Variants in PCCA observed in about 807,000 individuals in gnomAD.
The protein encoded by PCCA is propionyl-CoA carboxylase alpha chain, mitochondrial.
PCCA carries 74 observed loss-of-function variants against 101.3 expected under a neutral mutation model. The observed-to-expected ratio is 0.73, with a 90% CI of 0.61 to 0.89. The LOEUF is 0.89. Ranked by LOEUF, PCCA falls within the 40% of genes least tolerant of loss-of-function variation. The probability of loss-of-function intolerance (pLI) is 0.00; values close to 1 mark genes in which losing one functional copy is unlikely to be tolerated. For missense variants in PCCA, 891 were observed against 907.0 expected (o/e 0.98, Z 0.23); for synonymous variants, 294 against 313.6 (o/e 0.94, Z 0.66).
chr13:100,277,421 G>A (rs1297206001), intron 12 of PCCA, among the ~76,000 whole-genome samples: 2 of 152,062 alleles, frequency 1.3e-5, no homozygotes, highest in Non-Finnish European at 2.9e-5. Flanking sequence ...GGTTTTGGCT[G>A]ATCCCTTCCT....
chr13:100,434,392 C>T (rs767282), intron 20 of PCCA, among the ~76,000 whole-genome samples: 1 of 151,784 alleles, frequency 6.6e-6, no homozygotes, highest in Non-Finnish European at 1.5e-5. Flanking sequence ...TTTTCTACTT[C>T]AGAGCTGCTA....
rs763390049 is a variant in PCCA, at chr13:100,257,585, C to T, written c.638-10C>T. 67 of 1,607,758 alleles carry T rather than the reference C, an allele frequency of 4.2e-5. 1 individual carries two copies. In the South Asian group the frequency reaches 7.0e-4, roughly 17 times the overall value. ...GTCTGAACTTCTGTCTAATTCTTCC[C>T]TGCTGTTAGGCTACCCTGTCATGAT... On this transcript the variant is annotated splice_polypyrimidine_tract_variant and intron_variant, in intron 8 of 23. Transcript: ENST00000376285.
Position 100,235,737 on chromosome 13 carries a change from C to T in PCCA, c.601-105C>T, listed in dbSNP as rs559384018. 4 of 781,168 alleles carry T rather than the reference C, an allele frequency of 5.1e-6. No homozygotes were observed. The South Asian group carries it at 5.6e-5, about 11-fold the overall frequency. 48.4% of individuals were successfully genotyped at this position (781,168 alleles called of 1,614,324 possible). A position where few individuals can be genotyped will look rare whatever the true frequency, so the allele number is the denominator to read the frequency against. On this transcript the variant is annotated intron_variant, in intron 7 of 23. Coordinates refer to ENST00000376285, the MANE Select transcript of PCCA (RefSeq NM_000282.4). ...AGGGTTAGAAGGTAGTAAAATTGAACATTAAATGAATCGGAGGAGACAGTA... is the reference window on the plus strand; with the variant it reads ...AGGGTTAGAAGGTAGTAAAATTGAATATTAAATGAATCGGAGGAGACAGTA...
At chr13:100,141,200 C>A (rs1431987259) in intron 4 of PCCA, among the ~76,000 whole-genome samples, 1 of 152,092 alleles carries the variant, frequency 6.6e-6, no homozygotes, top group Non-Finnish European at 1.5e-5. Flanking sequence ...CCATCCTTTC[C>A]CATCAGTCCC....
At chr13:100,315,346 TCCA>T (rs1031554186) in intron 16 of PCCA, among the ~76,000 whole-genome samples, 1 of 152,068 alleles carries the variant, frequency 6.6e-6, no homozygotes, top group Non-Finnish European at 1.5e-5. Flanking sequence ...ACCCCCACTC[TCCA>T]CTAATATTTA....
Position 100,212,726 on chromosome 13 carries a change from A to T in PCCA, c.600+3263A>T, listed in dbSNP as rs74113809. Among the ~76,000 whole-genome samples, 1,179 of 152,230 alleles carry T rather than the reference A, an allele frequency of 7.7e-3. 16 individuals are homozygous for T. The highest frequency in any genetic ancestry group is 0.027 in the African/African-American group (1,125 of 41,514). ...TTTATAATGTCTTTGTGTTACAAAC[A>T]GTCTAATATACTTTTAGTTATTTAA... On this transcript the variant is annotated intron_variant, in intron 7 of 23. Coordinates refer to ENST00000376285, the MANE Select transcript of PCCA (RefSeq NM_000282.4).
chr13:100,399,540 A>G (rs145393539), intron 19 of PCCA, among the ~76,000 whole-genome samples: 250 of 152,260 alleles, frequency 1.6e-3, no homozygotes, highest in African/African-American at 5.8e-3. Context: ...ACCATCACTC[A>G]TTTCTTTCTG....
intron 19 of PCCA, among the ~76,000 whole-genome samples, chr13:100,422,032 CTCT>C (rs1378438337): frequency 2.3e-5 from 3 of 130,276 alleles, no homozygotes; most frequent in Non-Finnish European, 4.8e-5. Context: ...TCTTTTTATT[CTCT>C]TCTTTTCTTT....
intron 10 of PCCA, among the ~76,000 whole-genome samples, chr13:100,263,222 T>C (rs1594995760): frequency 6.6e-6 from 1 of 152,190 alleles, no homozygotes; most frequent in South Asian, 2.1e-4. Flanking sequence ...GTTTAAGATA[T>C]TCATCCTTAA....
At chr13:100,427,725 G>A (rs1446866822) in intron 20 of PCCA, among the ~76,000 whole-genome samples, 1 of 147,344 alleles carries the variant, frequency 6.8e-6, no homozygotes, top group South Asian at 2.2e-4. Flanking sequence ...AAAAACAGTC[G>A]TTTACCTAAA....
At chr13:100,414,326 C>T (rs541532923) in intron 19 of PCCA, among the ~76,000 whole-genome samples, 13 of 152,212 alleles carry the variant, frequency 8.5e-5, no homozygotes, top group African/African-American at 2.9e-4. Context: ...ATAAAACAAC[C>T]ATCTCATTTC....
At chr13:100,268,059 T>C (rs757683441) in intron 10 of PCCA, among the ~76,000 whole-genome samples, 2 of 152,208 alleles carry the variant, frequency 1.3e-5, no homozygotes, top group Non-Finnish European at 2.9e-5. Context: ...TTCGAAATGC[T>C]CCAGTGACTG....
chr13:100,223,539 A>G (rs2059945436), intron 7 of PCCA, among the ~76,000 whole-genome samples: 1 of 152,196 alleles, frequency 6.6e-6, no homozygotes, highest in Non-Finnish European at 1.5e-5. Context: ...GTTATAGCTC[A>G]TAAAGGCAGA....
At chr13:100,179,025 C>T (rs959206814) in intron 6 of PCCA, among the ~76,000 whole-genome samples, 94 of 148,364 alleles carry the variant, frequency 6.3e-4, no homozygotes, top group African/African-American at 2.3e-3. Context: ...TGCAGTGAGC[C>T]GAGATCGTGC....
rs2059070568 is a variant in PCCA, at chr13:100,209,438, T to C, written c.575T>C (p.Ile192Thr). Residue 192 changes from isoleucine to threonine, a missense_variant, in exon 7 of 24, where the codon ATC (isoleucine) becomes ACC (threonine). Transcript: ENST00000376285. Reference protein sequence around the residue: ...LLAKKAEVNTIPGFDGVVKDA... With the variant: ...LLAKKAEVNTTPGFDGVVKDA... ...GCTAAGAAAGCAGAGGTTAATACAA[T>C]CCCTGGCTTTGATGGAGTAGTCAAG... 6.2e-7 allele frequency: 1 copy of C among 1,613,198 alleles called. No individual in the cohort carries two copies. Among genetic ancestry groups the C allele is most frequent in the Non-Finnish European group, 8.5e-7 (1 of 1,179,290 alleles).
At chr13:100,410,058 C>T (rs1052943118) in intron 19 of PCCA, among the ~76,000 whole-genome samples, 5 of 152,138 alleles carry the variant, frequency 3.3e-5, no homozygotes, top group African/African-American at 1.2e-4. Flanking sequence ...CCATGCCCAG[C>T]CTGTCACCCG....
intron 4 of PCCA, among the ~76,000 whole-genome samples, chr13:100,123,374 C>T (rs78207198): frequency 0.037 from 5,658 of 152,020 alleles, 352 homozygotes; most frequent in African/African-American, 0.13. Context: ...TCTTTAGAAA[C>T]AGAAAAAATC....
At chr13:100,192,518 A>T (rs1244350483) in intron 6 of PCCA, among the ~76,000 whole-genome samples, 1 of 152,186 alleles carries the variant, frequency 6.6e-6, no homozygotes, top group Non-Finnish European at 1.5e-5. Flanking sequence ...CTTATAGATG[A>T]GTGCTGGTTG....
intron 10 of PCCA, 26 bp from the exon 11 acceptor site, chr13:100,268,663 T>C: frequency 1.3e-6 from 2 of 1,541,502 alleles, no homozygotes; most frequent in South Asian, 1.1e-5. Context: ...GGTTATATGG[T>C]TTTTCAAATG....
Sources: allele counts gnomAD v4.1 joint callset (sites outside exome capture counted in the v4.1 genomes callset), GRCh38; gene constraint gnomAD v4.1.1; transcripts MANE v1.5; gene names NCBI Gene and HGNC (gene_info 2026-07-23, HGNC 2026-07-21).